The following DPYS variants were observed in gnomAD, a reference collection of about 807,000 sequenced individuals.
DPYS encodes the protein dihydropyrimidine amidohydrolase.
A neutral mutation model predicts 50.3 loss-of-function variants in DPYS; 39 were observed. The observed-to-expected ratio is 0.78, with a 90% CI of 0.60 to 1.01. The LOEUF (loss-of-function observed/expected upper bound fraction) is 1.01. Among genes scored for constraint, DPYS ranks in the 50% least tolerant of loss-of-function variants. The probability of loss-of-function intolerance (pLI) is 0.00; values close to 1 mark genes in which losing one functional copy is unlikely to be tolerated. For synonymous variants in DPYS, 245 were observed against 250.7 expected (o/e 0.98, Z 0.22); for missense variants, 659 against 680.9 (o/e 0.97, Z 0.36).
intron 7 of DPYS, among the ~76,000 whole-genome samples, chr8:104,414,140 G>C (rs12679642): frequency 0.025 from 3,845 of 152,284 alleles, 226 homozygotes; most frequent in Admixed American, 0.13. Flanking sequence ...ACCAGAAGAA[G>C]AATGTCCTCA....
chr8:104,379,975 C>G (rs140434795), intron 9 of DPYS, 132 bp from the exon 10 acceptor site: 2 of 331,518 alleles, frequency 6.0e-6, no homozygotes, highest in African/African-American at 4.3e-5. Context: ...TCATTAATAG[C>G]ATGTTATAGC....
intron 7 of DPYS, chr8:104,420,753 A>G (rs946283755): frequency 1.1e-4 from 17 of 151,820 alleles, no homozygotes; most frequent in African/African-American, 4.1e-4. Context: ...AAAGGTCACC[A>G]GCTTTTTAAA....
At chr8:104,424,552 A>G (rs1328285586) in intron 6 of DPYS, among the ~76,000 whole-genome samples, 163 bp from the exon 7 acceptor site, 1 of 152,220 alleles carries the variant, frequency 6.6e-6, no homozygotes, top group Non-Finnish European at 1.5e-5. Context: ...TCATAATGCC[A>G]ATGATGGAGA....
At chr8:104,388,044 T>C (rs976582052) in intron 8 of DPYS, among the ~76,000 whole-genome samples, 3 of 152,326 alleles carry the variant, frequency 2.0e-5, no homozygotes, top group Admixed American at 1.3e-4. Context: ...TTACCTTGTA[T>C]TGGTAGTGAT....
chr8:104,391,126 T>A (rs4734793), intron 8 of DPYS, among the ~76,000 whole-genome samples: 53,563 of 152,068 alleles, frequency 0.35, 12,363 homozygotes, highest in African/African-American at 0.65. Context: ...AGAAAACTTG[T>A]TTACCTAATC....
Position 104,405,974 on chromosome 8 carries a change from C to T in DPYS, c.1236-12983G>A, listed in dbSNP as rs539383770. ...TGCAAAGAATTCACATATATCAACTCTCAGCCTTTGATATAGGTATTATAA... is the reference window on the plus strand; with the variant it reads ...TGCAAAGAATTCACATATATCAACTTTCAGCCTTTGATATAGGTATTATAA... On this transcript the variant is annotated intron_variant, in intron 7 of 9. Transcript: ENST00000351513. Among the ~76,000 whole-genome samples, 15 of 152,378 alleles carry T rather than the reference C, an allele frequency of 9.8e-5. No homozygotes were observed. In the South Asian group the frequency reaches 2.9e-3, roughly 29 times the overall value.
In DPYS at chr8:104,447,385, C is replaced by G; in HGVS notation, c.542G>C (p.Arg181Pro). 1 of 1,613,996 alleles carries G rather than the reference C, an allele frequency of 6.2e-7. No homozygotes were observed. Among genetic ancestry groups the G allele is most frequent in the Non-Finnish European group, 8.5e-7 (1 of 1,180,006 alleles). Residue 181 changes from arginine to proline, a missense_variant, in exon 3 of 10, where the codon CGG becomes CCG. By Grantham distance (103) the Arg-to-Pro change is moderately radical (BLOSUM62 -2). Coordinates refer to ENST00000351513, the MANE Select transcript of DPYS (RefSeq NM_001385.3). ...TDLELYEAFS[R>P]CKEIGAIAQV... is the part of the protein sequence containing the mutation. The stretch of plus-strand genomic sequence containing the variant: ...GGCAATTGCTCCAATTTCCTTGCAC[C>G]GAGAGAAGGCTTCGTACAGCTCCAG...
intron 4 of DPYS, among the ~76,000 whole-genome samples, chr8:104,443,125 A>G (rs991620881): frequency 6.6e-6 from 1 of 152,230 alleles, no homozygotes; most frequent in Non-Finnish European, 1.5e-5. Context: ...AGGTTGAATT[A>G]TAACACTGTC....
At chr8:104,388,061 G>T (rs1811268522) in intron 8 of DPYS, among the ~76,000 whole-genome samples, 2 of 152,154 alleles carry the variant, frequency 1.3e-5, no homozygotes, top group Admixed American at 1.3e-4. Flanking sequence ...TGATTAACCT[G>T]AAGAAATTAG....
At chr8:104,449,772 T>C (rs913495622) in intron 2 of DPYS, among the ~76,000 whole-genome samples, 9 of 152,136 alleles carry the variant, frequency 5.9e-5, no homozygotes, top group African/African-American at 2.2e-4. Flanking sequence ...GTCAGCAAAC[T>C]TCCAGAAGTT....
intron 1 of DPYS, among the ~76,000 whole-genome samples, chr8:104,464,178 T>G (rs3133280): frequency 0.21 from 31,238 of 152,174 alleles, 3,387 homozygotes; most frequent in Middle Eastern, 0.28. Flanking sequence ...AGTACAGAAA[T>G]GCTTAGAGGA....
intron 1 of DPYS, among the ~76,000 whole-genome samples, chr8:104,461,120 CA>C (rs367619842): frequency 0.052 from 5,846 of 112,336 alleles, 156 homozygotes; most frequent in South Asian, 0.11. Flanking sequence ...CCTGTCTCTA[CA>C]AAAAAAAAAA....
intron 7 of DPYS, among the ~76,000 whole-genome samples, chr8:104,415,100 T>A (rs1254713595): frequency 6.6e-6 from 1 of 152,204 alleles, no homozygotes; most frequent in Admixed American, 6.5e-5. Context: ...TAGTATCTGG[T>A]TTCTTCACTC....
intron 5 of DPYS, among the ~76,000 whole-genome samples, chr8:104,428,590 C>T (rs567543116): frequency 7.9e-5 from 12 of 152,364 alleles, no homozygotes; most frequent in African/African-American, 1.9e-4. Context: ...CCTAGCCACA[C>T]GGCCACACTG....
At chr8:104,403,583 T>C (rs1233389337) in intron 7 of DPYS, among the ~76,000 whole-genome samples, 2 of 152,136 alleles carry the variant, frequency 1.3e-5, no homozygotes, top group Non-Finnish European at 2.9e-5. Context: ...AGAAGCTGGA[T>C]AACAGAAATG....
intron 6 of DPYS, among the ~76,000 whole-genome samples, chr8:104,426,848 A>G (rs1002732433): frequency 6.6e-6 from 1 of 152,180 alleles, no homozygotes. Context: ...ACTTTAAATT[A>G]TTACTTTTGT....
In DPYS at chr8:104,447,578, T is replaced by C. The variant is rs559837839; in HGVS notation, c.424-75A>G. Reference sequence around the variant, plus strand: ...GATAATTTCAACCTTCTCTAAAACGTTGCATTCGGAAGAGAACTAAGTAAA... The same window carrying C: ...GATAATTTCAACCTTCTCTAAAACGCTGCATTCGGAAGAGAACTAAGTAAA... On this transcript the variant is annotated intron_variant, in intron 2 of 9. Coordinates refer to ENST00000351513, the MANE Select transcript of DPYS (RefSeq NM_001385.3). 8 of 1,547,446 alleles carry C rather than the reference T, an allele frequency of 5.2e-6. No individual in the cohort carries two copies. In the East Asian group the frequency reaches 1.8e-4, roughly 35 times the overall value.
At chr8:104,421,523 A>AC (rs1812544698) in intron 7 of DPYS, 1 of 152,266 alleles carries the variant, frequency 6.6e-6, no homozygotes, top group Non-Finnish European at 1.5e-5. Flanking sequence ...AGTCCCAGCT[A>AC]CTAGGGAGGC....
At chr8:104,389,757 G>A (rs1161090471) in intron 8 of DPYS, among the ~76,000 whole-genome samples, 1 of 152,058 alleles carries the variant, frequency 6.6e-6, no homozygotes. Flanking sequence ...AAACCACTTA[G>A]TACAGAGCTT....
Sources: gnomAD v4.1 joint callset for allele counts (sites outside exome capture counted in the v4.1 genomes callset) on GRCh38, gnomAD v4.1.1 for gene constraint, MANE v1.5 for transcripts, NCBI Gene and HGNC (gene_info 2026-07-23, HGNC 2026-07-21) for gene names.